Variants in RHOU observed in about 807,000 individuals in gnomAD.
RHOU encodes ras homolog family member U.
Under a neutral mutation model 12.6 loss-of-function variants are expected in RHOU, and 8 were observed. The ratio of observed to expected loss-of-function variants is 0.64; its 90% confidence interval spans 0.37 to 1.15. The LOEUF (loss-of-function observed/expected upper bound fraction) is 1.15. Among genes scored for constraint, RHOU ranks in the 50% most tolerant of loss-of-function variants. The probability of loss-of-function intolerance (pLI) is 0.01; values close to 1 mark genes in which losing one functional copy is unlikely to be tolerated. For synonymous variants in RHOU, 161 were observed against 147.4 expected, an observed-to-expected ratio of 1.09 and a Z score of -0.67; for missense variants, 258 against 347.0, an observed-to-expected ratio of 0.74 and a Z score of 2.04.
chr1:228,717,018 T>G, the RHOU span, among the ~76,000 whole-genome samples: 1 of 152,172 alleles, frequency 6.6e-6, no homozygotes, highest in African/African-American at 2.4e-5. Flanking sequence ...GGCACTCTTG[T>G]GGGCATCCTG....
the RHOU span, among the ~76,000 whole-genome samples, chr1:228,647,206 G>T: frequency 6.6e-6 from 1 of 152,328 alleles, no homozygotes; most frequent in East Asian, 1.9e-4. Flanking sequence ...GCTGAGACGG[G>T]TTTTTTCTTG....
At chr1:228,694,355 T>C in the RHOU span, among the ~76,000 whole-genome samples, 2 of 152,342 alleles carry the variant, frequency 1.3e-5, no homozygotes, top group East Asian at 3.9e-4. Context: ...CTGGGGTCCA[T>C]GTGCAGGATA....
At chr1:228,694,126 G>T in the RHOU span, among the ~76,000 whole-genome samples, 1 of 152,080 alleles carries the variant, frequency 6.6e-6, no homozygotes, top group Non-Finnish European at 1.5e-5. Context: ...ATCAGCTATT[G>T]TTACAGCTCA....
the RHOU span, among the ~76,000 whole-genome samples, chr1:228,728,026 G>A: frequency 1.3e-5 from 2 of 152,160 alleles, no homozygotes; most frequent in Admixed American, 1.3e-4. Context: ...TGCAAAGGGA[G>A]GGTCAGACAG....
chr1:228,689,903 A>C, the RHOU span, among the ~76,000 whole-genome samples: 4,232 of 152,036 alleles, frequency 0.028, 214 homozygotes, highest in African/African-American at 0.096. Flanking sequence ...TGAACCATGA[A>C]ATGTTTGGGT....
At chr1:228,660,933 CA>C in the RHOU span, among the ~76,000 whole-genome samples, 35,394 of 116,220 alleles carry the variant, frequency 0.3, 4,846 homozygotes, top group East Asian at 0.52. Context: ...AACTCTGTCT[CA>C]AAAAAAAAAA....
the RHOU span, among the ~76,000 whole-genome samples, chr1:228,702,081 G>A: frequency 6.6e-6 from 1 of 151,948 alleles, no homozygotes; most frequent in Admixed American, 6.6e-5. Context: ...AGAAAAATAA[G>A]ATGCCAAATT....
rs1245874083 is a variant in RHOU at position 228,737,755 on chromosome 1, TG to T, written c.321+25del. 6.2e-7 allele frequency: 1 copy of T among 1,612,872 alleles called. No individual in the cohort carries two copies. The highest frequency in any genetic ancestry group is 2.2e-5 in the East Asian group (1 of 44,882). The stretch of plus-strand genomic sequence containing the variant: ...AGGTCAGTATCACGTTACAGCTCAG[TG>T]CTGGGAAAGGAAACAGCCTTTTAAA... On this transcript the variant is annotated intron_variant, in intron 2 of 2. Transcript: ENST00000366691. This position sits in a 1 kb window ranked among gnomAD's most constrained non-coding sequence, Gnocchi z 4.1.
the RHOU span, among the ~76,000 whole-genome samples, chr1:228,658,467 C>T: frequency 1.3e-5 from 2 of 152,266 alleles, no homozygotes; most frequent in African/African-American, 2.4e-5. Context: ...GATGCAGCAA[C>T]GTTGTGACAT....
chr1:228,673,235 C>T, the RHOU span, among the ~76,000 whole-genome samples: 1 of 152,136 alleles, frequency 6.6e-6, no homozygotes, highest in Admixed American at 6.5e-5. Context: ...TAATCTAACT[C>T]CTTAAACCAC....
chr1:228,708,995 A>T, the RHOU span, among the ~76,000 whole-genome samples: 1 of 152,064 alleles, frequency 6.6e-6, no homozygotes, highest in East Asian at 1.9e-4. Context: ...CAAAAAAAGG[A>T]AGGGGTTGCA....
chr1:228,696,192 T>G, the RHOU span, among the ~76,000 whole-genome samples: 1 of 151,788 alleles, frequency 6.6e-6, no homozygotes, highest in South Asian at 2.1e-4. Context: ...TTCCCCTCTA[T>G]TTTTTCTGCA....
the RHOU span, among the ~76,000 whole-genome samples, chr1:228,653,835 T>C: frequency 5.3e-3 from 814 of 152,334 alleles, 21 homozygotes; most frequent in East Asian, 0.083. Flanking sequence ...TAGGCGAAAT[T>C]TGATAAAATT....
upstream of RHOU, chr1:228,735,416 C>G (rs1011817455): frequency 1.1e-5 from 2 of 176,790 alleles, no homozygotes; most frequent in Admixed American, 6.3e-5. This position sits in a 1 kb window ranked among gnomAD's most constrained non-coding sequence, Gnocchi z 8.1. Flanking sequence ...CTTTTCCCTC[C>G]CCGCCAGCCC....
At chr1:228,669,916 C>G in the RHOU span, among the ~76,000 whole-genome samples, 1 of 152,174 alleles carries the variant, frequency 6.6e-6, no homozygotes, top group African/African-American at 2.4e-5. Flanking sequence ...GATTAAAGAA[C>G]GACCACAAGA....
the RHOU span, among the ~76,000 whole-genome samples, chr1:228,693,362 G>A: frequency 6.6e-6 from 1 of 152,294 alleles, no homozygotes; most frequent in African/African-American, 2.4e-5. Flanking sequence ...TCCTCAGATA[G>A]GATGCAAACT....
At chr1:228,721,747 G>A in the RHOU span, among the ~76,000 whole-genome samples, 16 of 152,184 alleles carry the variant, frequency 1.1e-4, no homozygotes, top group South Asian at 2.1e-4. Flanking sequence ...TGCAACCTCC[G>A]CCACCCGGGT....
At chr1:228,686,316 A>G in the RHOU span, among the ~76,000 whole-genome samples, 1 of 152,178 alleles carries the variant, frequency 6.6e-6, no homozygotes, top group Non-Finnish European at 1.5e-5. Flanking sequence ...ATTATAATAA[A>G]GAGTTTCTGT....
chr1:228,701,711 C>A, the RHOU span, among the ~76,000 whole-genome samples: 2 of 151,624 alleles, frequency 1.3e-5, no homozygotes, highest in African/African-American at 4.8e-5. Flanking sequence ...TTATTTATAT[C>A]TTTTAAAATT....
Sources: gnomAD v4.1 joint callset for allele counts (sites outside exome capture counted in the v4.1 genomes callset) on GRCh38, gnomAD v4.1.1 for gene constraint, Gnocchi (gnomAD v3.1) non-coding constraint, MANE v1.5 for transcripts, NCBI Gene and HGNC (gene_info 2026-07-23, HGNC 2026-07-21) for gene names.